DNER: variants seen among roughly 807,000 people sequenced by gnomAD.
The protein encoded by DNER is delta/notch like EGF repeat containing.
Under a neutral mutation model 78.2 loss-of-function variants are expected in DNER, and 33 were observed. The observed-to-expected ratio is 0.42, with a 90% CI of 0.32 to 0.56. The LOEUF (loss-of-function observed/expected upper bound fraction) is 0.56, where lower values mean the gene tolerates loss of function less well. Among genes scored for constraint, DNER ranks in the 20% least tolerant of loss-of-function variants. DNER has a pLI of 0.11. For synonymous variants in DNER, 417 were observed against 384.8 expected (o/e 1.08, Z -0.98); for missense variants, 918 against 975.3 (o/e 0.94, Z 0.78).
chr2:229,502,057 T>C (rs1324077847), intron 6 of DNER, among the ~76,000 whole-genome samples: 2 of 152,138 alleles, frequency 1.3e-5, no homozygotes, highest in African/African-American at 4.8e-5. Flanking sequence ...CTAACAGTGG[T>C]GGAAGCCCCT....
chr2:229,442,137 A>T (rs1047449480), intron 8 of DNER, among the ~76,000 whole-genome samples: 5 of 152,126 alleles, frequency 3.3e-5, no homozygotes, highest in Admixed American at 1.3e-4. Flanking sequence ...CTGGAGGAAA[A>T]AGGTAATATA....
chr2:229,701,730 C>G (rs532628570), intron 1 of DNER: 59 of 152,376 alleles, frequency 3.9e-4, no homozygotes, highest in African/African-American at 1.4e-3. Context: ...GTGGGTCCCA[C>G]GTGAGCCCCA....
chr2:229,468,191 G>C (rs1227747898), intron 7 of DNER, among the ~76,000 whole-genome samples: 1 of 152,250 alleles, frequency 6.6e-6, no homozygotes, highest in East Asian at 1.9e-4. Flanking sequence ...GCTATAGGAA[G>C]GAATTCAGTT....
At chr2:229,488,013 T>C (rs1029804067) in intron 6 of DNER, among the ~76,000 whole-genome samples, 2 of 152,150 alleles carry the variant, frequency 1.3e-5, no homozygotes, top group Admixed American at 6.5e-5. Context: ...GGTAACGATG[T>C]GTTGTATATT....
intron 11 of DNER, among the ~76,000 whole-genome samples, chr2:229,381,381 C>CT (rs954991654): frequency 3.3e-5 from 5 of 151,668 alleles, no homozygotes; most frequent in South Asian, 2.1e-4. Context: ...TGCAGGAGTA[C>CT]TTTTTTTTTC....
At chr2:229,571,297 A>G (rs1446737443) in intron 4 of DNER, among the ~76,000 whole-genome samples, 2 of 152,150 alleles carry the variant, frequency 1.3e-5, no homozygotes, top group African/African-American at 4.8e-5. Flanking sequence ...CCACACTCAG[A>G]GTTTACCGCC....
At chr2:229,700,145 T>C (rs923201759) in intron 1 of DNER, among the ~76,000 whole-genome samples, 3 of 152,056 alleles carry the variant, frequency 2.0e-5, no homozygotes, top group African/African-American at 7.2e-5. Context: ...GTTTTACCTA[T>C]CAGTTAACAC....
intron 12 of DNER, among the ~76,000 whole-genome samples, chr2:229,359,818 T>C (rs1041545440): frequency 6.6e-6 from 1 of 152,210 alleles, no homozygotes; most frequent in African/African-American, 2.4e-5. Context: ...CAATCTTGTA[T>C]TCCAATCCTC....
At chr2:229,626,199 G>C (rs775801674) in intron 1 of DNER, among the ~76,000 whole-genome samples, 4 of 152,186 alleles carry the variant, frequency 2.6e-5, no homozygotes, top group Non-Finnish European at 5.9e-5. Context: ...GATTACAGGC[G>C]TGAGCCACCG....
chr2:229,703,045 T>G (rs768707419), intron 1 of DNER, among the ~76,000 whole-genome samples: 4 of 152,018 alleles, frequency 2.6e-5, no homozygotes, highest in Non-Finnish European at 4.4e-5. Context: ...ACCTGTGGTA[T>G]TCTAAAAAGC....
chr2:229,366,009 T>C (rs1048414350), intron 12 of DNER, among the ~76,000 whole-genome samples: 1 of 152,210 alleles, frequency 6.6e-6, no homozygotes, highest in African/African-American at 2.4e-5. Context: ...ATATAATAGA[T>C]TTGGAGAAGT....
chr2:229,581,878 A>ATTTT (rs376232222), intron 4 of DNER, among the ~76,000 whole-genome samples: 13,948 of 151,256 alleles, frequency 0.092, 1,279 homozygotes, highest in African/African-American at 0.24. Context: ...AGTTATGTTT[A>ATTTT]TTTTTATTTA....
At chr2:229,615,537 A>C (rs1395426142) in intron 1 of DNER, among the ~76,000 whole-genome samples, 2 of 151,890 alleles carry the variant, frequency 1.3e-5, no homozygotes, top group African/African-American at 2.4e-5. Flanking sequence ...GTGAAACCCT[A>C]TCTCTACTAA....
chr2:229,402,952 A>G (rs1693299043), intron 10 of DNER, among the ~76,000 whole-genome samples: 1 of 152,224 alleles, frequency 6.6e-6, no homozygotes, highest in Admixed American at 6.5e-5. Context: ...CTCTCTGTTC[A>G]GATGACTGGA....
chr2:229,513,229 G>T (rs1317687381), intron 5 of DNER, among the ~76,000 whole-genome samples: 1 of 152,170 alleles, frequency 6.6e-6, no homozygotes, highest in African/African-American at 2.4e-5. Context: ...AAGTTTTGCT[G>T]GCCAGACATG....
chr2:229,664,026 C>G (rs1699051045), intron 1 of DNER, among the ~76,000 whole-genome samples: 1 of 152,126 alleles, frequency 6.6e-6, no homozygotes, highest in African/African-American at 2.4e-5. Context: ...ATTAACTAAC[C>G]TGGTCCAATA....
At chr2:229,639,706 A>C (rs890662826) in intron 1 of DNER, among the ~76,000 whole-genome samples, 1 of 152,224 alleles carries the variant, frequency 6.6e-6, no homozygotes, top group African/African-American at 2.4e-5. Flanking sequence ...AGCAATGCTC[A>C]GATAAGACTG....
chr2:229,530,720 T>C (rs1696285457), intron 5 of DNER, among the ~76,000 whole-genome samples: 1 of 152,220 alleles, frequency 6.6e-6, no homozygotes, highest in Admixed American at 6.5e-5. Context: ...CACAGAAATA[T>C]CATTAAACTA....
intron 1 of DNER, among the ~76,000 whole-genome samples, chr2:229,676,858 G>T (rs149319709): frequency 1.3e-5 from 2 of 152,108 alleles, no homozygotes; most frequent in East Asian, 1.9e-4. Flanking sequence ...GTAGGGTTTG[G>T]ATACCATGCT....
Sources: allele counts gnomAD v4.1 joint callset (sites outside exome capture counted in the v4.1 genomes callset), GRCh38; gene constraint gnomAD v4.1.1; transcripts MANE v1.5; gene names NCBI Gene and HGNC (gene_info 2026-07-23, HGNC 2026-07-21).